PDE7B: variants seen among roughly 807,000 people sequenced by gnomAD.
The protein encoded by PDE7B is phosphodiesterase 7B.
PDE7B carries 29 observed loss-of-function variants against 56.2 expected under a neutral mutation model. That is an observed-to-expected ratio of 0.52 (90% CI 0.38 to 0.70). The LOEUF (loss-of-function observed/expected upper bound fraction) is 0.70. PDE7B is among the 30% of genes least tolerant of loss of function. PDE7B has a pLI of 0.00. For missense variants in PDE7B, 490 were observed against 565.0 expected, an observed-to-expected ratio of 0.87 and a Z score of 1.35; for synonymous variants, 197 against 196.9, an observed-to-expected ratio of 1.00 and a Z score of 0.00.
chr6:135,889,514 C>T (rs2128189924), intron 1 of PDE7B, among the ~76,000 whole-genome samples: 1 of 144,998 alleles, frequency 6.9e-6, no homozygotes, highest in South Asian at 2.2e-4. Context: ...AATCTCGGCT[C>T]ACTGTAACCT....
chr6:135,948,870 G>C (rs1008901986), intron 2 of PDE7B, among the ~76,000 whole-genome samples: 2 of 145,954 alleles, frequency 1.4e-5, no homozygotes, highest in African/African-American at 5.4e-5. Flanking sequence ...TAGATAGATA[G>C]ATAGATAGAT....
chr6:136,121,334 A>G (rs1459727194), intron 3 of PDE7B, among the ~76,000 whole-genome samples: 1 of 152,056 alleles, frequency 6.6e-6, no homozygotes, highest in Non-Finnish European at 1.5e-5. Flanking sequence ...ATTTTTCGAC[A>G]ATTCTTTATG....
intron 1 of PDE7B, among the ~76,000 whole-genome samples, chr6:135,896,503 A>G (rs1186877338): frequency 6.6e-6 from 1 of 152,134 alleles, no homozygotes; most frequent in Non-Finnish European, 1.5e-5. Flanking sequence ...AATCTGCTTC[A>G]AAACTTTGCT....
intron 1 of PDE7B, among the ~76,000 whole-genome samples, chr6:135,853,302 G>T (rs969918608): frequency 1.3e-5 from 2 of 152,104 alleles, no homozygotes; most frequent in Non-Finnish European, 2.9e-5. Flanking sequence ...AAAATTAACT[G>T]CATAAGACTG....
chr6:135,970,599 A>G (rs1775077810), intron 2 of PDE7B, among the ~76,000 whole-genome samples: 1 of 152,184 alleles, frequency 6.6e-6, no homozygotes, highest in Admixed American at 6.6e-5. Flanking sequence ...AGTCCCCGGT[A>G]TACATTGTGA....
chr6:135,953,490 A>G (rs935965837), intron 2 of PDE7B, among the ~76,000 whole-genome samples: 8 of 152,306 alleles, frequency 5.3e-5, no homozygotes, highest in Middle Eastern at 3.4e-3. Flanking sequence ...AAGCAATAAT[A>G]ACAATATTAT....
chr6:136,059,318 C>G (rs1054847262), intron 2 of PDE7B, among the ~76,000 whole-genome samples: 1 of 152,216 alleles, frequency 6.6e-6, no homozygotes, highest in Non-Finnish European at 1.5e-5. Context: ...TGAATGCAGA[C>G]TTCATCTCTG....
At chr6:135,967,698 A>G (rs1468474179) in intron 2 of PDE7B, among the ~76,000 whole-genome samples, 6 of 152,202 alleles carry the variant, frequency 3.9e-5, no homozygotes, top group African/African-American at 1.4e-4. Flanking sequence ...GGGATGCTTA[A>G]TTTTGTAGGA....
At chr6:135,935,186 T>TTTTATATATATATATATATA (rs1404954510) in intron 1 of PDE7B, among the ~76,000 whole-genome samples, 8 of 38,442 alleles carry the variant, frequency 2.1e-4, no homozygotes, top group African/African-American at 3.0e-4. Flanking sequence ...ATATATATAT[T>TTTTATATATATATATATATA]TATTTATATA....
chr6:135,958,962 A>T (rs1441054544), intron 2 of PDE7B, among the ~76,000 whole-genome samples: 1 of 152,190 alleles, frequency 6.6e-6, no homozygotes, highest in Non-Finnish European at 1.5e-5. Flanking sequence ...AAATGTGTAG[A>T]ATTTTTTTGC....
At chr6:135,905,203 T>C (rs1346403840) in intron 1 of PDE7B, among the ~76,000 whole-genome samples, 1 of 152,180 alleles carries the variant, frequency 6.6e-6, no homozygotes, top group Non-Finnish European at 1.5e-5. Context: ...GCCACTAACA[T>C]ATTTGAGAGT....
At chr6:135,972,075 A>C (rs1305179890) in intron 2 of PDE7B, among the ~76,000 whole-genome samples, 1 of 151,898 alleles carries the variant, frequency 6.6e-6, no homozygotes, top group East Asian at 1.9e-4. Context: ...TCTCTACTGA[A>C]AATACACAAT....
chr6:136,022,171 C>T (rs924949623), intron 2 of PDE7B, among the ~76,000 whole-genome samples: 3 of 152,112 alleles, frequency 2.0e-5, no homozygotes, highest in Non-Finnish European at 2.9e-5. Flanking sequence ...TCAAGAGCTC[C>T]CTTTTGACCA....
intron 2 of PDE7B, among the ~76,000 whole-genome samples, chr6:136,062,812 C>G (rs1037856158): frequency 2.0e-5 from 3 of 152,072 alleles, no homozygotes; most frequent in African/African-American, 7.2e-5. Context: ...TCCAAGGCCC[C>G]AGATTGAACT....
intron 2 of PDE7B, among the ~76,000 whole-genome samples, chr6:135,974,292 CAT>C (rs745584194): frequency 1.3e-4 from 20 of 150,392 alleles, no homozygotes; most frequent in Admixed American, 6.8e-4. Context: ...TGTCTATATA[CAT>C]ATATATATAT....
chr6:135,985,936 C>T (rs866751255), intron 2 of PDE7B, among the ~76,000 whole-genome samples: 3 of 152,106 alleles, frequency 2.0e-5, no homozygotes, highest in Admixed American at 2.0e-4. Context: ...TGCTCAGGCA[C>T]CGGGCGATGC....
chr6:135,953,063 T>A (rs1271067803), intron 2 of PDE7B, among the ~76,000 whole-genome samples: 1 of 152,202 alleles, frequency 6.6e-6, no homozygotes. Context: ...GTTTGATTTT[T>A]TTTAAAAACA....
Position 135,851,758 on chromosome 6 carries a change from A to G in PDE7B, c.-241A>G. On this transcript the variant is annotated 5_prime_UTR_variant, in exon 1 of 13. Transcript: ENST00000308191. Reference sequence around the variant, plus strand: ...TGTCCCAGCACTTGTCTGGGAGAAAAGTGGTGTTACTCACCCAGGGAGAGT... The same window carrying G: ...TGTCCCAGCACTTGTCTGGGAGAAAGGTGGTGTTACTCACCCAGGGAGAGT... The G allele has an allele frequency of 2.0e-6, 1 of 492,114 alleles. No homozygotes were observed. Among genetic ancestry groups the G allele is most frequent in the Non-Finnish European group, 3.6e-6 (1 of 277,182 alleles). The allele number at this position is 492,114 out of a possible 1,614,324, so 30.5% of individuals were successfully genotyped here.
chr6:136,178,281 G>A (rs1384301427), intron 9 of PDE7B, among the ~76,000 whole-genome samples: 1 of 152,082 alleles, frequency 6.6e-6, no homozygotes, highest in Non-Finnish European at 1.5e-5. Flanking sequence ...ATTAAATTAT[G>A]TATGTATTCC....
Sources: gnomAD v4.1 joint callset for allele counts (sites outside exome capture counted in the v4.1 genomes callset) on GRCh38, gnomAD v4.1.1 for gene constraint, MANE v1.5 for transcripts, NCBI Gene and HGNC (gene_info 2026-07-23, HGNC 2026-07-21) for gene names.